Variants in STAM2 observed in about 807,000 individuals in gnomAD.
The protein encoded by STAM2 is signal transducing adaptor molecule 2.
A neutral mutation model predicts 65.6 loss-of-function variants in STAM2; 51 were observed. That is an observed-to-expected ratio of 0.78 (90% CI 0.62 to 0.98). STAM2 has a LOEUF of 0.98. STAM2 is among the 50% of genes least tolerant of loss of function. The pLI is 0.00. For synonymous variants in STAM2, 198 were observed against 208.4 expected, an observed-to-expected ratio of 0.95 and a Z score of 0.43; for missense variants, 584 against 617.8, an observed-to-expected ratio of 0.95 and a Z score of 0.58.
At chr2:152,155,508 T>C (rs1291338785) in intron 1 of STAM2, among the ~76,000 whole-genome samples, 1 of 152,228 alleles carries the variant, frequency 6.6e-6, no homozygotes, top group Non-Finnish European at 1.5e-5. Flanking sequence ...TCCTCTTGTT[T>C]ACTGAAGAGA....
chr2:152,129,579 A>C (rs1184277950), intron 11 of STAM2, among the ~76,000 whole-genome samples: 1 of 152,210 alleles, frequency 6.6e-6, no homozygotes, highest in Non-Finnish European at 1.5e-5. Context: ...TCAAGGGATA[A>C]TTATCAAGGA....
chr2:152,121,770 A>T (rs4664079), intron 13 of STAM2, among the ~76,000 whole-genome samples: 4 of 151,878 alleles, frequency 2.6e-5, no homozygotes, highest in Non-Finnish European at 4.4e-5. Flanking sequence ...TTTGGCTGGA[A>T]GCGGTGGCTC....
intron 1 of STAM2, among the ~76,000 whole-genome samples, chr2:152,152,612 T>C (rs1689467014): frequency 6.6e-6 from 1 of 152,106 alleles, no homozygotes; most frequent in African/African-American, 2.4e-5. Context: ...GCGATGAACA[T>C]TCATATACAA....
chr2:152,149,440 C>T (rs574252423), intron 2 of STAM2, among the ~76,000 whole-genome samples: 44 of 151,242 alleles, frequency 2.9e-4, no homozygotes, highest in African/African-American at 1.0e-3. Flanking sequence ...CCCACGCAGC[C>T]GAAAATCTGT....
At chr2:152,165,888 TA>T (rs1279000774) in intron 1 of STAM2, among the ~76,000 whole-genome samples, 8 of 152,200 alleles carry the variant, frequency 5.3e-5, no homozygotes, top group African/African-American at 1.9e-4. Flanking sequence ...AATCAAGAGT[TA>T]TCAAGTAAAT....
chr2:152,155,013 CAT>C (rs1689515699), intron 1 of STAM2, among the ~76,000 whole-genome samples: 2 of 152,294 alleles, frequency 1.3e-5, no homozygotes, highest in African/African-American at 4.8e-5. Flanking sequence ...GGATTTTGTG[CAT>C]AGTCCTTTCT....
chr2:152,128,133 C>T (rs1332118734), intron 11 of STAM2, among the ~76,000 whole-genome samples: 3 of 152,252 alleles, frequency 2.0e-5, no homozygotes, highest in South Asian at 2.1e-4. Flanking sequence ...TCAGGCCGGG[C>T]GCGGTGGCTT....
At chr2:152,157,926 T>C (rs1689581793) in intron 1 of STAM2, among the ~76,000 whole-genome samples, 1 of 152,216 alleles carries the variant, frequency 6.6e-6, no homozygotes, top group African/African-American at 2.4e-5. Context: ...CAATGTAATT[T>C]AGCCTCCCTA....
intron 11 of STAM2, among the ~76,000 whole-genome samples, chr2:152,127,694 T>C (rs889980596): frequency 7.9e-5 from 12 of 152,140 alleles, no homozygotes; most frequent in African/African-American, 2.2e-4. Flanking sequence ...TGTTGGTTGG[T>C]TGATTTTGAG....
intron 12 of STAM2, 87 bp downstream of exon 12, chr2:152,126,138 GA>G: frequency 2.8e-6 from 3 of 1,090,386 alleles, no homozygotes; most frequent in Non-Finnish European, 3.6e-6. Flanking sequence ...ACAGACAAAA[GA>G]AATCTTAATA....
chr2:152,160,933 C>A (rs945408002), intron 1 of STAM2, among the ~76,000 whole-genome samples: 3 of 151,380 alleles, frequency 2.0e-5, no homozygotes, highest in African/African-American at 7.3e-5. Flanking sequence ...GGCGCCTCTG[C>A]CCAGCCGCCC....
In STAM2 at chr2:152,118,359, T is replaced by C. The variant is rs1402375540; in HGVS notation, c.*2215A>G. 6.6e-6 allele frequency: 1 copy of C among 151,366 alleles called. No individual in the cohort carries two copies. The highest frequency in any genetic ancestry group is 2.1e-4 in the South Asian group (1 of 4,826). 9.4% of individuals were successfully genotyped at this position (151,366 alleles called of 1,614,324 possible). A position where few individuals can be genotyped will look rare whatever the true frequency, so the allele number is the denominator to read the frequency against. On this transcript the variant is annotated 3_prime_UTR_variant, in exon 14 of 14. Transcript: ENST00000263904. Reference sequence around the variant, plus strand: ...CGACAGCCTGCAACACAAAATTACATATGGCAAAAAATAATTTTTAACTTG... The same window carrying C: ...CGACAGCCTGCAACACAAAATTACACATGGCAAAAAATAATTTTTAACTTG...
At chr2:152,133,344 A>G in intron 9 of STAM2, 58 bp downstream of exon 9, 1 of 1,546,758 alleles carries the variant, frequency 6.5e-7, no homozygotes, top group African/African-American at 1.4e-5. Flanking sequence ...AGCATTCTCA[A>G]AGATAGTACA....
intron 1 of STAM2, among the ~76,000 whole-genome samples, chr2:152,155,889 C>A (rs537721618): frequency 9.9e-5 from 15 of 152,194 alleles, no homozygotes; most frequent in African/African-American, 3.1e-4. Context: ...AATATTTTTA[C>A]GAATTTTTTG....
Position 152,126,280 on chromosome 2 carries a change from T to C in STAM2, c.1125A>G (p.Ser375=), listed in dbSNP as rs1385134353. The change falls in exon 12 of 14, where the codon TCA becomes TCG. Residue 375 remains serine (S), a synonymous_variant. Coordinates refer to ENST00000263904, the MANE Select transcript of STAM2 (RefSeq NM_005843.6). ...GGTAATGTGCTGGAGGGTGGAGCTT[T>C]GAATAGACTGAGTACACTGGTGCTT... The part of the protein sequence containing the change: ...VNEAPVYSVY[S]KLHPPAHYPP... 7 of 1,611,840 alleles carry C rather than the reference T, an allele frequency of 4.3e-6. No individual in the cohort carries two copies. Among genetic ancestry groups the C allele is most frequent in the Non-Finnish European group, 5.9e-6 (7 of 1,178,898 alleles).
At chr2:152,154,404 A>T (rs12693269) in intron 1 of STAM2, among the ~76,000 whole-genome samples, 93,311 of 152,050 alleles carry the variant, frequency 0.61, 30,322 homozygotes, top group East Asian at 0.87. Context: ...ATCAGTTGAG[A>T]CAGGAGTTCA....
Position 152,118,288 on chromosome 2 carries a change from A to C in STAM2, c.*2286T>G, listed in dbSNP as rs1688785699. On this transcript the variant is annotated 3_prime_UTR_variant, in exon 14 of 14. Coordinates refer to ENST00000263904, the MANE Select transcript of STAM2 (RefSeq NM_005843.6). ...AGTACACAACCCTGTGTTTCTTAAC[A>C]CCGAAAGAATCATCAGTACACAGAT... The C allele has an allele frequency of 6.6e-6, 1 of 151,998 alleles. No individual in the cohort carries two copies. The highest frequency in any genetic ancestry group is 1.5e-5 in the Non-Finnish European group (1 of 67,924). The allele number at this position is 151,998 out of a possible 1,614,324, so 9.4% of individuals were successfully genotyped here.
intron 1 of STAM2, 150 bp downstream of exon 1, chr2:152,175,453 T>C: frequency 9.6e-7 from 1 of 1,039,260 alleles, no homozygotes; most frequent in South Asian, 1.4e-5. Context: ...CCCAGAAAAA[T>C]CCCAACGTCG....
chr2:152,138,201 A>G (rs1013831761), intron 7 of STAM2, among the ~76,000 whole-genome samples: 2 of 152,192 alleles, frequency 1.3e-5, no homozygotes, highest in African/African-American at 4.8e-5. Flanking sequence ...CCCTATGAAC[A>G]TGGTATCCTC....
Sources: gnomAD v4.1 joint callset for allele counts (sites outside exome capture counted in the v4.1 genomes callset) on GRCh38, gnomAD v4.1.1 for gene constraint, MANE v1.5 for transcripts, NCBI Gene and HGNC (gene_info 2026-07-23, HGNC 2026-07-21) for gene names.